Variants in UAP1 observed in about 807,000 individuals in gnomAD.
UAP1 encodes UDP-N-acetylglucosamine pyrophosphorylase 1.
UAP1 carries 25 observed loss-of-function variants against 58.5 expected under a neutral mutation model. That is an observed-to-expected ratio of 0.43 (90% confidence interval 0.31 to 0.60). The LOEUF is 0.60. UAP1 is among the 20% of genes least tolerant of loss of function. The probability of loss-of-function intolerance (pLI) is 0.11; values close to 1 mark genes in which losing one functional copy is unlikely to be tolerated. For synonymous variants in UAP1, 208 were observed against 213.0 expected, an observed-to-expected ratio of 0.98 and a Z score of 0.21; for missense variants, 575 against 630.0, an observed-to-expected ratio of 0.91 and a Z score of 0.93.
exon 10 of UAP1, chr1:162,597,823 T>C: frequency 6.2e-7 from 1 of 1,613,490 alleles, no homozygotes; most frequent in Non-Finnish European, 8.5e-7. Flanking sequence ...ACCAATCCAA[T>C]GTGAAATCTC....
chr1:162,588,766 A>C (rs1655071284), exon 7 of UAP1: 2 of 1,612,622 alleles, frequency 1.2e-6, no homozygotes, highest in Non-Finnish European at 1.7e-6. Context: ...AGGACAGTTA[A>C]TTAAGCCAGA....
intron 10 of UAP1, among the ~76,000 whole-genome samples, chr1:162,599,003 ACT>A (rs1003035600): frequency 9.2e-5 from 14 of 151,892 alleles, no homozygotes; most frequent in Non-Finnish European, 5.9e-5. Flanking sequence ...AAAAAAGTTA[ACT>A]CTGTGAGAGA....
exon 5 of UAP1, chr1:162,581,341 T>G: frequency 3.7e-6 from 6 of 1,614,058 alleles, no homozygotes; most frequent in Non-Finnish European, 5.1e-6. Context: ...GTGGAGGATA[T>G]GGAGCAAAGA....
chr1:162,571,096 T>C (rs1470951911), intron 2 of UAP1, among the ~76,000 whole-genome samples: 2 of 151,720 alleles, frequency 1.3e-5, no homozygotes, highest in East Asian at 3.9e-4. Flanking sequence ...GGCTTTCTTT[T>C]TTTTTTTTTT....
intron 5 of UAP1, among the ~76,000 whole-genome samples, chr1:162,581,786 G>A (rs1271854733): frequency 2.0e-5 from 3 of 152,184 alleles, no homozygotes; most frequent in African/African-American, 7.2e-5. Flanking sequence ...CTTTTTTCCT[G>A]TGACAAAGTT....
At chr1:162,579,483 C>T in exon 4 of UAP1, 1 of 1,610,562 alleles carries the variant, frequency 6.2e-7, no homozygotes, top group Non-Finnish European at 8.5e-7. Flanking sequence ...CTTCACCAAG[C>T]ACAAGTACTT....
At chr1:162,589,523 G>T (rs1414898567) in intron 7 of UAP1, among the ~76,000 whole-genome samples, 2 of 151,186 alleles carry the variant, frequency 1.3e-5, no homozygotes, top group Non-Finnish European at 2.9e-5. Context: ...ATAAAGAGTT[G>T]TCTCGTTTTG....
chr1:162,571,637 G>A (rs1158256926), intron 2 of UAP1, among the ~76,000 whole-genome samples: 2 of 152,120 alleles, frequency 1.3e-5, no homozygotes, highest in African/African-American at 4.8e-5. Flanking sequence ...TTTATATTTA[G>A]TTAACATTTT....
chr1:162,568,649 G>T (rs570850704), intron 2 of UAP1, among the ~76,000 whole-genome samples: 1 of 152,290 alleles, frequency 6.6e-6, no homozygotes, highest in South Asian at 2.1e-4. Context: ...TGAAGAGTTT[G>T]ATACCATGAC....
chr1:162,582,013 C>T (rs1483065369), intron 5 of UAP1, among the ~76,000 whole-genome samples: 4 of 152,108 alleles, frequency 2.6e-5, no homozygotes, highest in Non-Finnish European at 4.4e-5. Context: ...CTGTTCTTGG[C>T]ATTGTACTTT....
intron 8 of UAP1, 123 bp from the exon 9 acceptor site, chr1:162,592,609 T>C: frequency 1.3e-6 from 1 of 748,428 alleles, no homozygotes; most frequent in Non-Finnish European, 2.3e-6. Flanking sequence ...TTTGGTCTCT[T>C]GGGACGAATT....
intron 8 of UAP1, among the ~76,000 whole-genome samples, chr1:162,590,924 ATT>A (rs529871740): frequency 2.6e-4 from 33 of 126,684 alleles, no homozygotes; most frequent in African/African-American, 3.8e-4. Flanking sequence ...CCTCACCACT[ATT>A]TTTTTTTTTT....
At chr1:162,576,838 A>T (rs767736846) in exon 3 of UAP1, 2 of 1,614,042 alleles carry the variant, frequency 1.2e-6, no homozygotes, top group African/African-American at 2.7e-5. Context: ...GGCAGGGGAC[A>T]AGACTCGGCG....
intron 2 of UAP1, among the ~76,000 whole-genome samples, chr1:162,573,498 T>C (rs1653992403): frequency 6.6e-6 from 1 of 152,216 alleles, no homozygotes; most frequent in South Asian, 2.1e-4. Flanking sequence ...TTTATGTTCT[T>C]ATTTTCAAAC....
At chr1:162,600,879 T>C (rs1450729932), downstream of UAP1, among the ~76,000 whole-genome samples, 1 of 152,242 alleles carries the variant, frequency 6.6e-6, no homozygotes, top group Non-Finnish European at 1.5e-5. Context: ...CTTTAGCTCC[T>C]GAATGCCAAA....
At chr1:162,581,237 C>G in intron 4 of UAP1, 50 bp from the exon 5 acceptor site, 11 of 1,543,356 alleles carry the variant, frequency 7.1e-6, no homozygotes, top group Non-Finnish European at 8.8e-6. Context: ...CTTTGTGTTA[C>G]CTTTATGATG....
intron 5 of UAP1, 108 bp downstream of exon 5, chr1:162,581,567 C>T (rs1654588086): frequency 2.5e-6 from 3 of 1,189,108 alleles, no homozygotes; most frequent in Admixed American, 2.4e-5. Flanking sequence ...ATTTTAGAAC[C>T]ATTTATCTCT....
At chr1:162,579,432 A>G (rs1276640941) in exon 4 of UAP1, 4 of 1,568,874 alleles carry the variant, frequency 2.5e-6, no homozygotes, top group Admixed American at 1.9e-5. Context: ...TGTAAGGTAT[A>G]TAATGACCAG....
At chr1:162,583,058 A>G (rs1273579281) in intron 5 of UAP1, among the ~76,000 whole-genome samples, 3 of 150,348 alleles carry the variant, frequency 2.0e-5, no homozygotes, top group Admixed American at 6.7e-5. Context: ...GCTCACTGCA[A>G]CCTTTGCCTC....
Sources: gnomAD v4.1 joint callset for allele counts (sites outside exome capture counted in the v4.1 genomes callset) on GRCh38, gnomAD v4.1.1 for gene constraint, MANE v1.5 for transcripts, NCBI Gene and HGNC (gene_info 2026-07-23, HGNC 2026-07-21) for gene names.